RIMBP2: variants seen among roughly 807,000 people sequenced by gnomAD.
RIMBP2 encodes the protein RIMS-binding protein 2.
A neutral mutation model predicts 118.6 loss-of-function variants in RIMBP2; 48 were observed. The ratio of observed to expected loss-of-function variants is 0.40; its 90% CI spans 0.32 to 0.51. The LOEUF is 0.51. Among genes scored for constraint, RIMBP2 ranks in the 20% least tolerant of loss-of-function variants. The probability of loss-of-function intolerance (pLI) is 0.41; values close to 1 mark genes in which losing one functional copy is unlikely to be tolerated. For synonymous variants in RIMBP2, 762 were observed against 742.9 expected, an observed-to-expected ratio of 1.03 and a Z score of -0.42; for missense variants, 1,551 against 1,768.3, an observed-to-expected ratio of 0.88 and a Z score of 2.20.
At chr12:130,627,111 C>T (rs1035919090) in intron 2 of RIMBP2, among the ~76,000 whole-genome samples, 13 of 152,126 alleles carry the variant, frequency 8.5e-5, no homozygotes, top group African/African-American at 2.7e-4. Context: ...CTACAACTAC[C>T]GCCAGCATCA....
intron 1 of RIMBP2, among the ~76,000 whole-genome samples, chr12:130,643,803 G>A (rs1187036856): frequency 1.3e-5 from 2 of 152,294 alleles, no homozygotes; most frequent in African/African-American, 4.8e-5. Flanking sequence ...CAAGAAACAC[G>A]CAAGCAGACA....
At position 130,535,728 on chromosome 12, in the gene RIMBP2, CATATATATACATATAT is replaced by C. The variant is rs1230510922; in HGVS notation, c.-216-17827_-216-17812del. The stretch of plus-strand genomic sequence containing the variant: ...ACACATATACATATACATATATATA[CATATATATACATATAT>C]ATATATATATATATATATATATATA... On this transcript the variant is annotated intron_variant, in intron 2 of 22. Coordinates refer to ENST00000690449, the MANE Select transcript of RIMBP2 (RefSeq NM_001393629.1). Among the ~76,000 whole-genome samples the C allele has an allele frequency of 2.4e-3, 311 of 127,912 alleles. 2 individuals are homozygous for C. The highest frequency in any genetic ancestry group is 4.1e-3 in the Middle Eastern group (1 of 244). 83.9% of individuals were successfully genotyped at this position (127,912 alleles called of 152,430 possible).
At chr12:130,645,093 C>CTT (rs61370338) in intron 1 of RIMBP2, among the ~76,000 whole-genome samples, 9,001 of 143,634 alleles carry the variant, frequency 0.063, 293 homozygotes, top group Non-Finnish European at 0.079. Context: ...CAAATCAGAA[C>CTT]TTTTTTTTTT....
intron 4 of RIMBP2, among the ~76,000 whole-genome samples, chr12:130,489,653 G>A (rs1246215656): frequency 2.0e-5 from 3 of 152,170 alleles, no homozygotes; most frequent in African/African-American, 2.4e-5. Context: ...TTCAGCCTTA[G>A]AGGTGATGCC....
intron 2 of RIMBP2, among the ~76,000 whole-genome samples, chr12:130,588,327 A>G (rs1283669651): frequency 6.6e-6 from 1 of 152,176 alleles, no homozygotes; most frequent in Non-Finnish European, 1.5e-5. Context: ...ATTTTGTAAT[A>G]TTTGTATTTA....
chr12:130,504,582 C>T (rs2050125227), intron 4 of RIMBP2, among the ~76,000 whole-genome samples: 1 of 152,130 alleles, frequency 6.6e-6, no homozygotes, highest in African/African-American at 2.4e-5. Flanking sequence ...CTCCCCAAAG[C>T]TCAGAAAGGC....
At position 130,424,698 on chromosome 12, in the gene RIMBP2, CTGGGGGACGGCCCTGCACCCTG is replaced by C; in HGVS notation, c.2551_2572del (p.Gln851GlyfsTer29). 1.6e-6 allele frequency: 2 copies of C among 1,232,110 alleles called. No homozygotes were observed. Among genetic ancestry groups the C allele is most frequent in the Non-Finnish European group, 2.0e-6 (2 of 987,982 alleles). The allele number at this position is 1,232,110 out of a possible 1,614,324, so 76.3% of individuals were successfully genotyped here. A position where few individuals can be genotyped will look rare whatever the true frequency, so the allele number is the denominator to read the frequency against. On this transcript the variant is annotated frameshift_variant, in exon 16 of 23. Transcript: ENST00000690449. LOFTEE classifies it high-confidence loss of function. The surrounding 1 kb of genome is among the most constrained non-coding windows in gnomAD (Gnocchi z 9.8). ...CTCTCTGGCCAGCCCCGTCCTGGCC[CTGGGGGACGGCCCTGCACCCTG>C]CTTGTGTAGCAGCCCACAGCACTCT...
At chr12:130,636,155 C>T (rs1476890321) in intron 1 of RIMBP2, among the ~76,000 whole-genome samples, 1 of 152,138 alleles carries the variant, frequency 6.6e-6, no homozygotes, top group African/African-American at 2.4e-5. Flanking sequence ...ACTCGCTATC[C>T]CCCAATGAGG....
At chr12:130,659,578 A>T (rs1263592318) in intron 1 of RIMBP2, among the ~76,000 whole-genome samples, 1 of 152,020 alleles carries the variant, frequency 6.6e-6, no homozygotes, top group Non-Finnish European at 1.5e-5. Context: ...CAAACAAAAA[A>T]AAAAAAGTGG....
intron 2 of RIMBP2, among the ~76,000 whole-genome samples, chr12:130,627,982 T>C (rs1322225494): frequency 6.6e-6 from 1 of 152,208 alleles, no homozygotes; most frequent in Non-Finnish European, 1.5e-5. Flanking sequence ...GACATTGTTC[T>C]TGAGATTTAG....
chr12:130,666,787 G>C, intron 1 of RIMBP2, among the ~76,000 whole-genome samples: 1 of 133,342 alleles, frequency 7.5e-6, no homozygotes, highest in Non-Finnish European at 1.6e-5. Flanking sequence ...GGGAAGAAGG[G>C]AGGGATGGAG....
chr12:130,712,647 C>T (rs989129052), intron 1 of RIMBP2, among the ~76,000 whole-genome samples: 3 of 152,176 alleles, frequency 2.0e-5, no homozygotes, highest in Non-Finnish European at 4.4e-5. Context: ...TAAGTAGAAA[C>T]AATACACTCT....
At chr12:130,407,937 C>T in intron 19 of RIMBP2, 108 bp from the exon 20 acceptor site, 2 of 971,532 alleles carry the variant, frequency 2.1e-6, no homozygotes, top group Non-Finnish European at 3.3e-6. Context: ...AGACCTGGCA[C>T]TGCTAACAGG....
chr12:130,541,849 T>C (rs1340137819), intron 2 of RIMBP2, among the ~76,000 whole-genome samples: 1 of 152,234 alleles, frequency 6.6e-6, no homozygotes, highest in Non-Finnish European at 1.5e-5. Flanking sequence ...TTGAACACTT[T>C]CTAGGTGTAC....
At chr12:130,590,074 T>C (rs1257261707) in intron 2 of RIMBP2, among the ~76,000 whole-genome samples, 2 of 152,194 alleles carry the variant, frequency 1.3e-5, no homozygotes, top group Admixed American at 6.5e-5. Flanking sequence ...ATTACATCTT[T>C]ACAGGAAACA....
At chr12:130,713,272 A>AGGAAGGAAGGAAGGAC (rs1391881328) in intron 1 of RIMBP2, among the ~76,000 whole-genome samples, 12 of 140,400 alleles carry the variant, frequency 8.5e-5, no homozygotes, top group Non-Finnish European at 7.8e-5. Flanking sequence ...GAAGGAAGGA[A>AGGAAGGAAGGAAGGAC]GGACTGAGGA....
At chr12:130,554,642 G>A (rs528773870) in intron 2 of RIMBP2, among the ~76,000 whole-genome samples, 2 of 152,252 alleles carry the variant, frequency 1.3e-5, no homozygotes, top group Admixed American at 6.5e-5. Context: ...CTTACGTGCT[G>A]CTCTACACAT....
chr12:130,438,335 A>ACCGGGGGCCCCC, intron 12 of RIMBP2, 30 bp downstream of exon 12: 1 of 865,012 alleles, frequency 1.2e-6, no homozygotes, highest in Non-Finnish European at 1.9e-6. Flanking sequence ...GGCCTAACAA[A>ACCGGGGGCCCCC]CCCTCCCCAC....
chr12:130,581,485 G>A lies in RIMBP2; in HGVS notation c.-217+46837C>T, dbSNP rs1452482046. ...CCAGCCTGTCCCAGTGGAGGTCTCA[G>A]AGGCATCATAAGAGCATCCAGAATG... On this transcript the variant is annotated intron_variant, in intron 2 of 22. Transcript: ENST00000690449. This position sits in a 1 kb window ranked among gnomAD's most constrained non-coding sequence, Gnocchi z 4.4. Among the ~76,000 whole-genome samples, 2 of 152,216 alleles carry A rather than the reference G, an allele frequency of 1.3e-5. No homozygotes were observed. Among genetic ancestry groups the A allele is most frequent in the Non-Finnish European group, 2.9e-5 (2 of 68,032 alleles).
Sources: allele counts gnomAD v4.1 joint callset (sites outside exome capture counted in the v4.1 genomes callset), GRCh38; gene constraint gnomAD v4.1.1; non-coding constraint Gnocchi (gnomAD v3.1); transcripts MANE v1.5; gene names NCBI Gene and HGNC (gene_info 2026-07-23, HGNC 2026-07-21).